Variants in RORA observed in about 807,000 individuals in gnomAD.
The protein encoded by RORA is nuclear receptor ROR-alpha.
Under a neutral mutation model 69.5 loss-of-function variants are expected in RORA, and 7 were observed. The ratio of observed to expected loss-of-function variants is 0.10; its 90% CI spans 0.06 to 0.19. The LOEUF (loss-of-function observed/expected upper bound fraction) is 0.19, where lower values mean the gene tolerates loss of function less well. Ranked by LOEUF, RORA falls within the 10% of genes least tolerant of loss-of-function variation. The pLI is 1.00. For missense variants in RORA, 457 were observed against 663.0 expected (o/e 0.69, Z 3.41); for synonymous variants, 261 against 240.8 (o/e 1.08, Z -0.78).
At chr15:60,580,867 C>T (rs1156493272) in intron 2 of RORA, among the ~76,000 whole-genome samples, 2 of 152,184 alleles carry the variant, frequency 1.3e-5, no homozygotes, top group African/African-American at 4.8e-5. Context: ...ACAAAGAGAG[C>T]TGTCAGTCAT....
chr15:61,018,808 C>T (rs1247295266), intron 1 of RORA, among the ~76,000 whole-genome samples: 5 of 152,092 alleles, frequency 3.3e-5, no homozygotes, highest in Admixed American at 2.6e-4. Flanking sequence ...ATAACAGACA[C>T]ACATCCTCAT....
At chr15:60,742,107 C>T (rs567862580) in intron 1 of RORA, among the ~76,000 whole-genome samples, 1 of 152,090 alleles carries the variant, frequency 6.6e-6, no homozygotes, top group South Asian at 2.1e-4. Context: ...CTATATCTAT[C>T]TATATGTATA....
At chr15:60,658,009 T>C in intron 2 of RORA, among the ~76,000 whole-genome samples, 1 of 152,154 alleles carries the variant, frequency 6.6e-6, no homozygotes, top group East Asian at 1.9e-4. Context: ...TTTCTCTCTC[T>C]CTACCACTGC....
intron 1 of RORA, among the ~76,000 whole-genome samples, chr15:61,135,002 CA>C (rs2079223226): frequency 1.3e-5 from 2 of 151,988 alleles, no homozygotes; most frequent in Non-Finnish European, 1.5e-5. Context: ...TCCAACATAC[CA>C]CTGTCCTGAG....
At chr15:60,673,121 C>G (rs1038942428) in intron 2 of RORA, among the ~76,000 whole-genome samples, 1 of 152,156 alleles carries the variant, frequency 6.6e-6, no homozygotes, top group Non-Finnish European at 1.5e-5. Context: ...AGTGGGAATA[C>G]AAATACTTTT....
rs73422430 is a variant in RORA at position 61,024,348 on chromosome 15, G to A, written c.166+204705C>T. 4.6e-3 allele frequency among the ~76,000 whole-genome samples: 619 copies of A among 133,518 alleles called. 7 individuals are homozygous for A. The highest frequency in any genetic ancestry group is 0.015 in the African/African-American group (544 of 35,552). 87.6% of individuals were successfully genotyped at this position (133,518 alleles called of 152,430 possible). On this transcript the variant is annotated intron_variant, in intron 1 of 10. Coordinates refer to ENST00000335670, the MANE Select transcript of RORA (RefSeq NM_134261.3). ...GCCCACGCTGGAGTGCAGTGGTTCA[G>A]TCATAGTTCGGTGAGGCTTTCACCT...
intron 2 of RORA, among the ~76,000 whole-genome samples, chr15:60,653,993 C>T (rs548334841): frequency 2.0e-5 from 3 of 152,286 alleles, no homozygotes; most frequent in Admixed American, 2.0e-4. Flanking sequence ...GAGACCCTGA[C>T]CTTTGCAGCC....
At chr15:60,704,574 A>T (rs2071034001) in intron 1 of RORA, among the ~76,000 whole-genome samples, 1 of 152,232 alleles carries the variant, frequency 6.6e-6, no homozygotes, top group Non-Finnish European at 1.5e-5. Flanking sequence ...TTCAGAGAGG[A>T]GTGTTAACCT....
At chr15:61,222,445 C>T (rs569439348) in intron 1 of RORA, among the ~76,000 whole-genome samples, 6 of 152,280 alleles carry the variant, frequency 3.9e-5, no homozygotes, top group South Asian at 2.1e-4. Flanking sequence ...TAAGAGCTGG[C>T]GCAAAAAGCC....
intron 2 of RORA, among the ~76,000 whole-genome samples, chr15:60,577,023 G>A (rs1211961189): frequency 6.6e-6 from 1 of 152,078 alleles, no homozygotes; most frequent in Non-Finnish European, 1.5e-5. Flanking sequence ...CAAATTTTAT[G>A]CCCAGGTCTT....
At chr15:60,870,168 C>G (rs2073539253) in intron 1 of RORA, among the ~76,000 whole-genome samples, 1 of 152,214 alleles carries the variant, frequency 6.6e-6, no homozygotes, top group Non-Finnish European at 1.5e-5. Context: ...CAGCTGGCTA[C>G]AGAAACCAGG....
rs1284960992 is a variant in RORA, at chr15:61,147,759, G to A, written c.166+81294C>T. On this transcript the variant is annotated intron_variant, in intron 1 of 10. Transcript: ENST00000335670. The surrounding 1 kb of genome is among the most constrained non-coding windows in gnomAD (Gnocchi z 4.1). ...AGGTTGATGGTCAGTAGGCACGTGCGCACACGCGTGTGTGTGTGTGTGTGT... is the reference window on the plus strand; with the variant it reads ...AGGTTGATGGTCAGTAGGCACGTGCACACACGCGTGTGTGTGTGTGTGTGT... 3.2e-5 allele frequency among the ~76,000 whole-genome samples: 4 copies of A among 123,988 alleles called. No individual in the cohort carries two copies. Among genetic ancestry groups the A allele is most frequent in the Non-Finnish European group, 6.9e-5 (4 of 58,222 alleles). The allele number at this position is 123,988 out of a possible 152,430, so 81.3% of individuals were successfully genotyped here. A position where few individuals can be genotyped will look rare whatever the true frequency, so the allele number is the denominator to read the frequency against.
At chr15:60,684,139 T>C (rs113373206) in intron 1 of RORA, among the ~76,000 whole-genome samples, 175 of 152,246 alleles carry the variant, frequency 1.1e-3, no homozygotes, top group African/African-American at 4.1e-3. Context: ...TCTTCCCAAA[T>C]TTTGCAATTA....
At chr15:60,649,253 A>G (rs1312788430) in intron 2 of RORA, among the ~76,000 whole-genome samples, 1 of 151,926 alleles carries the variant, frequency 6.6e-6, no homozygotes, top group Admixed American at 6.6e-5. Flanking sequence ...AAAAAAAAAA[A>G]AATCCCCGGC....
intron 1 of RORA, among the ~76,000 whole-genome samples, chr15:60,955,400 G>A (rs959106281): frequency 1.3e-5 from 2 of 152,154 alleles, no homozygotes; most frequent in African/African-American, 4.8e-5. Context: ...TAGGAAATAT[G>A]ATAATACATA....
chr15:61,115,093 C>A (rs2079038523), intron 1 of RORA, among the ~76,000 whole-genome samples: 1 of 152,106 alleles, frequency 6.6e-6, no homozygotes. Flanking sequence ...TCCTCTACCC[C>A]CAGTGAAGCC....
intron 1 of RORA, among the ~76,000 whole-genome samples, chr15:61,076,418 C>A (rs372468376): frequency 3.0e-4 from 42 of 139,316 alleles, no homozygotes; most frequent in African/African-American, 4.6e-4. Flanking sequence ...AAAAAAAAAA[C>A]GTTTCAACAA....
intron 1 of RORA, among the ~76,000 whole-genome samples, chr15:61,060,598 A>AC (rs2078169968): frequency 6.6e-6 from 1 of 151,920 alleles, no homozygotes; most frequent in South Asian, 2.1e-4. Flanking sequence ...GAAACTGTGG[A>AC]CCCCCTCACT....
intron 1 of RORA, among the ~76,000 whole-genome samples, chr15:60,831,188 T>TC (rs2073037474): frequency 1.3e-5 from 2 of 152,222 alleles, no homozygotes; most frequent in Non-Finnish European, 2.9e-5. Context: ...TCCCTGGGTC[T>TC]CATCCTTTTC....
Sources: allele counts gnomAD v4.1 joint callset (sites outside exome capture counted in the v4.1 genomes callset), GRCh38; gene constraint gnomAD v4.1.1; non-coding constraint Gnocchi (gnomAD v3.1); transcripts MANE v1.5; gene names NCBI Gene and HGNC (gene_info 2026-07-23, HGNC 2026-07-21).